The following EVC2 variants were observed in gnomAD, a reference collection of about 807,000 sequenced individuals.
The protein encoded by EVC2 is EvC ciliary complex subunit 2.
EVC2 carries 148 observed loss-of-function variants against 149.3 expected under a neutral mutation model. That is an observed-to-expected ratio of 0.99 (90% confidence interval 0.87 to 1.14). The LOEUF (loss-of-function observed/expected upper bound fraction) is 1.14. Among genes scored for constraint, EVC2 ranks in the 50% most tolerant of loss-of-function variants. The pLI is 0.00. For missense variants in EVC2, 1,854 were observed against 1,627.3 expected (o/e 1.14, Z -2.40); for synonymous variants, 776 against 649.9 (o/e 1.19, Z -2.95).
chr4:5,631,292 A>G (rs1429892473), intron 11 of EVC2, among the ~76,000 whole-genome samples: 1 of 152,176 alleles, frequency 6.6e-6, no homozygotes, highest in Non-Finnish European at 1.5e-5. Context: ...CAGTGGTGCT[A>G]TCATGGCTCA....
the EVC2 span, among the ~76,000 whole-genome samples, chr4:5,535,159 G>A: frequency 5.9e-5 from 9 of 152,162 alleles, no homozygotes; most frequent in Admixed American, 1.3e-4. The surrounding 1 kb of genome is among the most constrained non-coding windows in gnomAD (Gnocchi z 4.7). Context: ...AGTGAGGACC[G>A]CCCATCGCCA....
chr4:5,589,621 CT>C (rs1292977262), intron 16 of EVC2, among the ~76,000 whole-genome samples: 1 of 152,092 alleles, frequency 6.6e-6, no homozygotes, highest in Non-Finnish European at 1.5e-5. Context: ...CCTGGAAACC[CT>C]TTTAGGGCAG....
At chr4:5,630,728 C>A (rs1716471911) in intron 11 of EVC2, among the ~76,000 whole-genome samples, 1 of 152,170 alleles carries the variant, frequency 6.6e-6, no homozygotes, top group Non-Finnish European at 1.5e-5. Flanking sequence ...GCTCCAAGGC[C>A]TCCAGCACCA....
chr4:5,689,290 G>GT lies in EVC2; in HGVS notation c.572dup (p.Asn191LysfsTer40). On this transcript the variant is annotated frameshift_variant, in exon 5 of 22. Coordinates refer to ENST00000344408, the MANE Select transcript of EVC2 (RefSeq NM_147127.5). LOFTEE classifies it high-confidence loss of function. ...GGTTGGCTGACGAGGTTGTCTTGGTGTTGTTAACAAGCAGCCATATGCGGG... is the reference window on the plus strand; with the variant it reads ...GGTTGGCTGACGAGGTTGTCTTGGTGTTTGTTAACAAGCAGCCATATGCGGG... 1.9e-6 allele frequency: 3 copies of GT among 1,614,208 alleles called. No individual in the cohort carries two copies. The highest frequency in any genetic ancestry group is 2.5e-6 in the Non-Finnish European group (3 of 1,180,044).
intron 9 of EVC2, among the ~76,000 whole-genome samples, chr4:5,642,240 T>C (rs952927783): frequency 3.3e-5 from 5 of 152,232 alleles, no homozygotes; most frequent in Admixed American, 6.5e-5. Flanking sequence ...GCTGCACGTC[T>C]TTATAGTAGA....
chr4:5,639,630 C>A (rs968528974), intron 10 of EVC2, among the ~76,000 whole-genome samples: 1 of 152,210 alleles, frequency 6.6e-6, no homozygotes, highest in African/African-American at 2.4e-5. Context: ...ATGGAATGTA[C>A]TAGACTGTGA....
chr4:5,701,682 A>ATT (rs945357421), intron 1 of EVC2, among the ~76,000 whole-genome samples: 1 of 152,112 alleles, frequency 6.6e-6, no homozygotes, highest in Non-Finnish European at 1.5e-5. Context: ...TCTAGTTCAT[A>ATT]TTTCTCCCCT....
intron 16 of EVC2, among the ~76,000 whole-genome samples, chr4:5,595,870 A>G (rs370707350): frequency 3.3e-5 from 5 of 152,174 alleles, no homozygotes; most frequent in African/African-American, 4.8e-5. Context: ...AAGGATGGAG[A>G]AAGAGCTACC....
At chr4:5,580,587 G>C (rs1346407988) in intron 17 of EVC2, among the ~76,000 whole-genome samples, 1 of 152,158 alleles carries the variant, frequency 6.6e-6, no homozygotes, top group Admixed American at 6.6e-5. Context: ...AATGTTCCTG[G>C]TGTCTCACTC....
At position 5,649,515 on chromosome 4, in the gene EVC2, T is replaced by C. The variant is rs79543832; in HGVS notation, c.1146-8677A>G. Among the ~76,000 whole-genome samples the C allele has an allele frequency of 9.4e-4, 143 of 152,312 alleles. 4 individuals carry two copies. In the East Asian group the frequency reaches 0.026, roughly 28 times the overall value. On this transcript the variant is annotated intron_variant, in intron 9 of 21. Transcript: ENST00000344408. ...ACATTAATTCTTCTTTCTTTCTTCT[T>C]ATTTCACATAAAAATTAATCAAGTT...
At chr4:5,594,598 G>T (rs1047811198) in intron 16 of EVC2, among the ~76,000 whole-genome samples, 1 of 152,068 alleles carries the variant, frequency 6.6e-6, no homozygotes, top group Non-Finnish European at 1.5e-5. Context: ...AAGACCAAAA[G>T]TAAATAAAAC....
intron 12 of EVC2, among the ~76,000 whole-genome samples, chr4:5,626,950 C>A (rs192220601): frequency 5.8e-4 from 88 of 152,320 alleles, no homozygotes; most frequent in Non-Finnish European, 9.8e-4. Flanking sequence ...CTCCAGCTTG[C>A]AGGCAGCAGA....
At chr4:5,545,662 TAG>T (rs1038949393) in intron 21 of EVC2, among the ~76,000 whole-genome samples, 1 of 152,136 alleles carries the variant, frequency 6.6e-6, no homozygotes, top group African/African-American at 2.4e-5. Context: ...TCTATCATAC[TAG>T]AGAGTCCCAA....
the EVC2 span, among the ~76,000 whole-genome samples, chr4:5,537,618 G>A: frequency 6.6e-6 from 1 of 152,118 alleles, no homozygotes; most frequent in Non-Finnish European, 1.5e-5. Context: ...CCCAACAATA[G>A]TTACAAGAAT....
At chr4:5,632,706 G>A (rs1716639036) in intron 10 of EVC2, among the ~76,000 whole-genome samples, 2 of 152,152 alleles carry the variant, frequency 1.3e-5, no homozygotes, top group South Asian at 4.1e-4. Context: ...CTGCTTGGAT[G>A]CCTGCATAGT....
At position 5,677,632 on chromosome 4, in the gene EVC2, C is replaced by T. The variant is rs1720080651; in HGVS notation, c.870+3628G>A. ...CATCGGGGAAGAGCTCAGAAATACC[C>T]TTACATGAGCATTCTCTGCCTTTTA... On this transcript the variant is annotated intron_variant, in intron 7 of 21. Coordinates refer to ENST00000344408, the MANE Select transcript of EVC2 (RefSeq NM_147127.5). This position sits in a 1 kb window ranked among gnomAD's most constrained non-coding sequence, Gnocchi z 4.3. Among the ~76,000 whole-genome samples the T allele has an allele frequency of 6.6e-6, 1 of 152,230 alleles. No homozygotes were observed. Among genetic ancestry groups the T allele is most frequent in the Non-Finnish European group, 1.5e-5 (1 of 68,044 alleles).
downstream of EVC2, among the ~76,000 whole-genome samples, chr4:5,559,979 A>G (rs748261113): frequency 9.9e-5 from 15 of 152,006 alleles, no homozygotes; most frequent in Non-Finnish European, 1.6e-4. This position sits in a 1 kb window ranked among gnomAD's most constrained non-coding sequence, Gnocchi z 5.0. Context: ...GCTGTCCCCA[A>G]CTGACCCCTG....
chr4:5,594,006 C>A (rs895539442), intron 16 of EVC2, among the ~76,000 whole-genome samples: 2 of 152,180 alleles, frequency 1.3e-5, no homozygotes, highest in African/African-American at 4.8e-5. Context: ...AAGGCGGCAG[C>A]GAGGCTGGGG....
intron 9 of EVC2, among the ~76,000 whole-genome samples, chr4:5,647,176 G>C (rs1577203349): frequency 6.6e-6 from 1 of 152,258 alleles, no homozygotes; most frequent in East Asian, 1.9e-4. Flanking sequence ...TACCCACAGG[G>C]GAATAATGCT....
Sources: gnomAD v4.1 joint callset for allele counts (sites outside exome capture counted in the v4.1 genomes callset) on GRCh38, gnomAD v4.1.1 for gene constraint, Gnocchi (gnomAD v3.1) non-coding constraint, MANE v1.5 for transcripts, NCBI Gene and HGNC (gene_info 2026-07-23, HGNC 2026-07-21) for gene names.